Variants in DAPK1 observed in about 807,000 individuals in gnomAD.
DAPK1 encodes the protein death-associated protein kinase 1.
In DAPK1, 56 loss-of-function variants were observed where a neutral mutation model predicts 144.9. That is an observed-to-expected ratio of 0.39 (90% CI 0.31 to 0.48). DAPK1 has a LOEUF of 0.48. DAPK1 is among the 20% of genes least tolerant of loss of function. The pLI, the probability that DAPK1 is intolerant of heterozygous loss-of-function variation, is 0.95. For missense variants in DAPK1, 1,454 were observed against 1,875.4 expected (o/e 0.78, Z 4.15); for synonymous variants, 690 against 749.0 (o/e 0.92, Z 1.29).
intron 20 of DAPK1, among the ~76,000 whole-genome samples, chr9:87,684,549 G>T (rs927777526): frequency 1.3e-5 from 2 of 152,228 alleles, no homozygotes; most frequent in African/African-American, 2.4e-5. Context: ...CAGGAGACCG[G>T]ACGGGGTCCC....
At chr9:87,549,910 C>T (rs527697035) in intron 2 of DAPK1, among the ~76,000 whole-genome samples, 10 of 152,332 alleles carry the variant, frequency 6.6e-5, no homozygotes, top group African/African-American at 1.7e-4. Flanking sequence ...ACGCCATCTT[C>T]ATTACTTTAT....
chr9:87,640,897 T>C, intron 9 of DAPK1, 50 bp downstream of exon 9: 2 of 1,558,586 alleles, frequency 1.3e-6, no homozygotes, highest in Admixed American at 3.3e-5. Flanking sequence ...TGTGATTGGT[T>C]TGGGCACCCT....
chr9:87,557,669 G>A (rs905805993), intron 2 of DAPK1, among the ~76,000 whole-genome samples: 9 of 152,120 alleles, frequency 5.9e-5, no homozygotes, highest in African/African-American at 1.9e-4. Flanking sequence ...GGCAGGGCGC[G>A]GTAGCTTATG....
At position 87,642,241 on chromosome 9, in the gene DAPK1, G is replaced by C. The variant is rs151043930; in HGVS notation, c.918+183G>C. Among the ~76,000 whole-genome samples the C allele has an allele frequency of 1.6e-4, 24 of 152,242 alleles. 1 individual carries two copies. The East Asian group carries it at 4.2e-3, about 27-fold the overall frequency. ...AAAAACAAGCAAAAACAATATTTTA[G>C]TCACTTTAACTGATACCATTAAATG... On this transcript the variant is annotated intron_variant, in intron 10 of 25. Coordinates refer to ENST00000408954, the MANE Select transcript of DAPK1 (RefSeq NM_004938.4).
intron 2 of DAPK1, among the ~76,000 whole-genome samples, chr9:87,596,380 C>T (rs139867422): frequency 1.6e-4 from 24 of 152,220 alleles, no homozygotes; most frequent in African/African-American, 4.6e-4. Flanking sequence ...TCTGCTTCAC[C>T]GCAGAGACTG....
At chr9:87,500,680 G>A (rs1161924167) in intron 2 of DAPK1, among the ~76,000 whole-genome samples, 1 of 152,132 alleles carries the variant, frequency 6.6e-6, no homozygotes, top group East Asian at 1.9e-4. Flanking sequence ...AGGCCTCCCT[G>A]TGGTTGGCGA....
Position 87,545,621 on chromosome 9 carries a change from A to G in DAPK1, c.62+46482A>G, listed in dbSNP as rs373133520. Reference sequence around the variant, plus strand: ...GAGTGCAATAGCGGGATCTTGGCTCACTGCAACCTCTGCCTCCCGGGTTCC... The same window carrying G: ...GAGTGCAATAGCGGGATCTTGGCTCGCTGCAACCTCTGCCTCCCGGGTTCC... On this transcript the variant is annotated intron_variant, in intron 2 of 25. Transcript: ENST00000408954. Among the ~76,000 whole-genome samples, 35 of 152,252 alleles carry G rather than the reference A, an allele frequency of 2.3e-4. No individual in the cohort carries two copies. The East Asian group carries it at 3.1e-3, about 13-fold the overall frequency.
intron 2 of DAPK1, among the ~76,000 whole-genome samples, chr9:87,521,486 T>C (rs1002979532): frequency 6.6e-6 from 1 of 152,110 alleles, no homozygotes; most frequent in African/African-American, 2.4e-5. Flanking sequence ...TCTTATCCCA[T>C]GAGGACAAGG....
intron 2 of DAPK1, chr9:87,525,282 G>A (rs913782): frequency 0.085 from 134,062 of 1,584,558 alleles, 8,269 homozygotes; most frequent in East Asian, 0.29. Flanking sequence ...CTTTTACCTC[G>A]TTGCACTCCT....
chr9:87,546,510 G>A (rs1017340121), intron 2 of DAPK1, among the ~76,000 whole-genome samples: 2 of 152,266 alleles, frequency 1.3e-5, no homozygotes, highest in Non-Finnish European at 2.9e-5. Flanking sequence ...GTCTGCATAG[G>A]AAAGATGGGC....
chr9:87,560,326 GTTTAT>G (rs1185791754), intron 2 of DAPK1, among the ~76,000 whole-genome samples: 1 of 152,088 alleles, frequency 6.6e-6, no homozygotes, highest in Non-Finnish European at 1.5e-5. Flanking sequence ...TTATTTGAAA[GTTTAT>G]TTTAATATGT....
intron 3 of DAPK1, among the ~76,000 whole-genome samples, chr9:87,634,005 A>G (rs1218451728): frequency 1.3e-5 from 2 of 152,228 alleles, no homozygotes; most frequent in Non-Finnish European, 2.9e-5. Flanking sequence ...ATGACCCTTG[A>G]GAGTTGCCCC....
At chr9:87,555,384 A>G (rs952456762) in intron 2 of DAPK1, among the ~76,000 whole-genome samples, 1 of 152,240 alleles carries the variant, frequency 6.6e-6, no homozygotes. Context: ...CACAAGGACT[A>G]GATGAGAATG....
At chr9:87,639,764 T>G (rs1830031957) in intron 6 of DAPK1, 25 bp from the exon 7 acceptor site, 1 of 1,613,496 alleles carries the variant, frequency 6.2e-7, no homozygotes, top group Admixed American at 1.7e-5. Context: ...GACATGTTTT[T>G]TTGTTTGTTT....
At chr9:87,669,767 G>GT (rs888969150) in intron 19 of DAPK1, among the ~76,000 whole-genome samples, 2 of 151,782 alleles carry the variant, frequency 1.3e-5, no homozygotes, top group Non-Finnish European at 2.9e-5. Flanking sequence ...CAGGGGCAGG[G>GT]GGGGGCCACA....
At chr9:87,636,671 A>C (rs1248942218) in intron 3 of DAPK1, among the ~76,000 whole-genome samples, 5 of 152,308 alleles carry the variant, frequency 3.3e-5, no homozygotes, top group African/African-American at 1.2e-4. Flanking sequence ...TCTTATGAGC[A>C]CCAATTTTCT....
chr9:87,603,358 C>A (rs759830104), intron 2 of DAPK1, among the ~76,000 whole-genome samples: 2 of 152,124 alleles, frequency 1.3e-5, no homozygotes, highest in Admixed American at 6.5e-5. Context: ...TTTAAGGTAG[C>A]GAGTTTACAG....
At position 87,681,623 on chromosome 9, in the gene DAPK1, A is replaced by C. The variant is rs1564068012; in HGVS notation, c.2221A>C (p.Thr741Pro). 4 of 1,506,676 alleles carry C rather than the reference A, an allele frequency of 2.7e-6. No homozygotes were observed. The highest frequency in any genetic ancestry group is 3.7e-6 in the Non-Finnish European group (4 of 1,081,950). 93.3% of individuals were successfully genotyped at this position (1,506,676 alleles called of 1,614,324 possible). A position where few individuals can be genotyped will look rare whatever the true frequency, so the allele number is the denominator to read the frequency against. ...FPPSPLASKPTVSVSINNLYP... is the reference protein window; with the variant it reads ...FPPSPLASKPPVSVSINNLYP... ...ACCTTCACCCCTGGCTTCTAAGCCCACAGGTAGGAACCTCCATGCTGGCCC... is the reference window on the plus strand; with the variant it reads ...ACCTTCACCCCTGGCTTCTAAGCCCCCAGGTAGGAACCTCCATGCTGGCCC... The change falls in exon 20 of 26, where the codon ACA (threonine) becomes CCA (proline). Residue 741 changes from threonine to proline, a missense_variant. By Grantham distance (38) the Thr-to-Pro change is conservative (BLOSUM62 -1). Around this residue, in one of 2 missense-constraint regions of DAPK1, gnomAD observed 1,025 missense variants for 1,237.9 expected, o/e 0.83. Coordinates refer to ENST00000408954, the MANE Select transcript of DAPK1 (RefSeq NM_004938.4).
At chr9:87,504,536 A>G (rs1824518945) in intron 2 of DAPK1, among the ~76,000 whole-genome samples, 1 of 151,984 alleles carries the variant, frequency 6.6e-6, no homozygotes, top group African/African-American at 2.4e-5. Flanking sequence ...ATGCTCTTTT[A>G]CCCTCAGCTT....
Sources: gnomAD v4.1 joint callset for allele counts (sites outside exome capture counted in the v4.1 genomes callset) on GRCh38, gnomAD v4.1.1 for gene constraint, gnomAD v4.1.1 regional missense constraint, MANE v1.5 for transcripts, NCBI Gene and HGNC (gene_info 2026-07-23, HGNC 2026-07-21) for gene names.